ENO2: variants seen among roughly 807,000 people sequenced by gnomAD.
ENO2 encodes enolase 2, also known as gamma-enolase.
Under a neutral mutation model 48.7 loss-of-function variants are expected in ENO2, and 19 were observed. The ratio of observed to expected loss-of-function variants is 0.39; its 90% confidence interval spans 0.27 to 0.57. The LOEUF (loss-of-function observed/expected upper bound fraction) is 0.57. ENO2 is among the 20% of genes least tolerant of loss of function. ENO2 has a pLI of 0.58. For synonymous variants in ENO2, 198 were observed against 213.4 expected (o/e 0.93, Z 0.63); for missense variants, 416 against 555.0 (o/e 0.75, Z 2.52).
At chr12:6,921,557 C>T (rs782657632) in intron 8 of ENO2, 24 bp from the exon 9 acceptor site, 67 of 1,612,964 alleles carry the variant, frequency 4.2e-5, no homozygotes, top group Non-Finnish European at 5.4e-5. Flanking sequence ...CACCTCCCCC[C>T]TCCCCACCAT....
rs1945308219 is a variant in ENO2 at position 6,918,076 on chromosome 12, G to A, written c.581G>A (p.Gly194Glu). The change falls in exon 7 of 12, where the codon GGA (glycine) becomes GAA (glutamate). Residue 194 changes from glycine (G) to glutamate (E), a missense_variant. Transcript: ENST00000229277. ...LGAEVYHTLK[G>E]VIKDKYGKDA... ...GCAGAGGTCTACCATACACTCAAGGGAGTCATCAAGGACAAATACGGCAAG... is the reference window on the plus strand; with the variant it reads ...GCAGAGGTCTACCATACACTCAAGGAAGTCATCAAGGACAAATACGGCAAG... 1.2e-6 allele frequency: 2 copies of A among 1,614,184 alleles called. No homozygotes were observed. Among genetic ancestry groups the A allele is most frequent in the South Asian group, 2.2e-5 (2 of 91,080 alleles).
At chr12:6,915,318 G>C (rs1343328064) in intron 1 of ENO2, 1 of 167,966 alleles carries the variant, frequency 6.0e-6, no homozygotes, top group Non-Finnish European at 1.3e-5. Flanking sequence ...ATACACGTTT[G>C]GGAGAGAGTG....
At chr12:6,918,597 C>T (rs1237339342) in intron 7 of ENO2, among the ~76,000 whole-genome samples, 5 of 151,286 alleles carry the variant, frequency 3.3e-5, no homozygotes, top group African/African-American at 1.2e-4. Context: ...CCTCGGCCTC[C>T]CAAAGTGCTG....
rs1555141581 is a variant in ENO2 at position 6,916,139 on chromosome 12, T to C, written c.85+222T>C. Among the ~76,000 whole-genome samples, 1 of 152,154 alleles carries C rather than the reference T, an allele frequency of 6.6e-6. No individual in the cohort carries two copies. Among genetic ancestry groups the C allele is most frequent in the Non-Finnish European group, 1.5e-5 (1 of 68,012 alleles). On this transcript the variant is annotated intron_variant, in intron 2 of 11. Transcript: ENST00000229277. The surrounding 1 kb of genome is among the most constrained non-coding windows in gnomAD (Gnocchi z 4.5). ...GTGAGGCATGTCCTGCCTCCGTGTG[T>C]CTGCCTGTGCACTTGCATGTGTGCA... is the stretch of plus-strand genomic sequence containing the variant.
chr12:6,921,448 C>T (rs1291773725), intron 8 of ENO2, 133 bp from the exon 9 acceptor site: 2 of 863,534 alleles, frequency 2.3e-6, no homozygotes, highest in Non-Finnish European at 3.7e-6. Flanking sequence ...GGGGATTTGT[C>T]TTAGCAAGGA....
Position 6,916,618 on chromosome 12 carries a change from A to T in ENO2, c.182-53A>T, listed in dbSNP as rs1236420110. 4 of 1,612,358 alleles carry T rather than the reference A, an allele frequency of 2.5e-6. No homozygotes were observed. In the East Asian group the frequency reaches 8.9e-5, roughly 36 times the overall value. On this transcript the variant is annotated intron_variant, in intron 3 of 11. Coordinates refer to ENST00000229277, the MANE Select transcript of ENO2 (RefSeq NM_001975.3). The surrounding 1 kb of genome is among the most constrained non-coding windows in gnomAD (Gnocchi z 4.5). ...AGCATGGCTTCCCCTCCTCCCATTGATCCCTTCCGGCCCCTCCTGGCCCGA... is the reference window on the plus strand; with the variant it reads ...AGCATGGCTTCCCCTCCTCCCATTGTTCCCTTCCGGCCCCTCCTGGCCCGA...
At chr12:6,917,302 C>T (rs1945300667) in intron 5 of ENO2, 195 bp downstream of exon 5, 1 of 734,738 alleles carries the variant, frequency 1.4e-6, no homozygotes, top group Non-Finnish European at 2.2e-6. Context: ...GGAAGACCTT[C>T]TTTGCAGCAT....
At chr12:6,917,244 A>G in intron 5 of ENO2, 137 bp downstream of exon 5, 1 of 1,092,876 alleles carries the variant, frequency 9.2e-7, no homozygotes, top group Non-Finnish European at 1.3e-6. Flanking sequence ...AGCCAGAGCA[A>G]GGGGAGATGA....
chr12:6,920,717 CTTTTTT>C (rs781865832), intron 8 of ENO2, among the ~76,000 whole-genome samples: 21 of 95,144 alleles, frequency 2.2e-4, no homozygotes, highest in Admixed American at 6.9e-4. Flanking sequence ...TTTTAATTAA[CTTTTTT>C]TTTTTTTTTT....
Position 6,922,318 on chromosome 12 carries a change from G to A in ENO2, c.1177-26G>A, listed in dbSNP as rs189683514. On this transcript the variant is annotated intron_variant, in intron 10 of 11. Transcript: ENST00000229277. This position sits in a 1 kb window ranked among gnomAD's most constrained non-coding sequence, Gnocchi z 5.3. ...TCAGGGGTGAGAGGGCAGTCACTGA[G>A]CTGCAAATCCTTTGAAATGTTTCAG... 222 of 1,614,174 alleles carry A rather than the reference G, an allele frequency of 1.4e-4. 2 individuals carry two copies. The African/African-American group carries it at 2.8e-3, about 20-fold the overall frequency.
intron 8 of ENO2, among the ~76,000 whole-genome samples, chr12:6,921,120 C>T (rs111766397): frequency 0.052 from 7,842 of 152,062 alleles, 588 homozygotes; most frequent in East Asian, 0.22. Flanking sequence ...AGGAGCCAGG[C>T]GTGGTGGCTC....
In ENO2 at chr12:6,922,585, C is replaced by A; in HGVS notation, c.1236-146C>A. On this transcript the variant is annotated intron_variant, in intron 11 of 11. Coordinates refer to ENST00000229277, the MANE Select transcript of ENO2 (RefSeq NM_001975.3). The surrounding 1 kb of genome is among the most constrained non-coding windows in gnomAD (Gnocchi z 5.3). ...CCTGATTGACAAATCCCAGAGATCACATGGGAAAGCCAGGGAATGCTAAGC... is the reference window on the plus strand; with the variant it reads ...CCTGATTGACAAATCCCAGAGATCAAATGGGAAAGCCAGGGAATGCTAAGC... 1 of 1,260,114 alleles carries A rather than the reference C, an allele frequency of 7.9e-7. No individual in the cohort carries two copies. The highest frequency in any genetic ancestry group is 1.1e-6 in the Non-Finnish European group (1 of 873,114). 78.1% of individuals were successfully genotyped at this position (1,260,114 alleles called of 1,614,324 possible). A position where few individuals can be genotyped will look rare whatever the true frequency, so the allele number is the denominator to read the frequency against.
chr12:6,916,727 T>C lies in ENO2; in HGVS notation c.238T>C (p.Ser80Pro). 1.2e-6 allele frequency: 2 copies of C among 1,614,016 alleles called. No individual in the cohort carries two copies. The highest frequency in any genetic ancestry group is 1.7e-6 in the Non-Finnish European group (2 of 1,179,988). ...NSTIAPALISSGLSVVEQEKL... is the reference protein window; with the variant it reads ...NSTIAPALISPGLSVVEQEKL... ...CACCATCGCGCCAGCCCTCATCAGC[T>C]CAGTGAGGCCTGCTCTTTGCTGGGG... Residue 80 changes from serine to proline, a missense_variant and splice_region_variant, in exon 4 of 12, where the codon TCA becomes CCA. Coordinates refer to ENST00000229277, the MANE Select transcript of ENO2 (RefSeq NM_001975.3). This position sits in a 1 kb window ranked among gnomAD's most constrained non-coding sequence, Gnocchi z 4.5.
At position 6,917,578 on chromosome 12, in the gene ENO2, T is replaced by C. The variant is rs1945302885; in HGVS notation, c.311-3T>C. 6.2e-7 allele frequency: 1 copy of C among 1,611,954 alleles called. No individual in the cohort carries two copies. The highest frequency in any genetic ancestry group is 8.5e-7 in the Non-Finnish European group (1 of 1,178,876). On this transcript the variant is annotated splice_polypyrimidine_tract_variant and splice_region_variant and intron_variant, in intron 5 of 11. Transcript: ENST00000229277. ...CTCAGCACCTTCCTCTATAATCTCCTAGCCAAGTTTGGGGCCAATGCCATC... is the reference window on the plus strand; with the variant it reads ...CTCAGCACCTTCCTCTATAATCTCCCAGCCAAGTTTGGGGCCAATGCCATC...
chr12:6,921,900 C>A, intron 9 of ENO2, 118 bp downstream of exon 9: 2 of 1,491,024 alleles, frequency 1.3e-6, no homozygotes, highest in South Asian at 1.2e-5. Context: ...TGGAATCATC[C>A]TCACAGTTCT....
At position 6,921,709 on chromosome 12, in the gene ENO2, G is replaced by A; in HGVS notation, c.994G>A (p.Val332Met). Residue 332 changes from valine (V) to methionine (M), a missense_variant, in exon 9 of 12, where the codon GTG becomes ATG. Coordinates refer to ENST00000229277, the MANE Select transcript of ENO2 (RefSeq NM_001975.3). ...CAACCCAAAACGTATTGAGCGGGCAGTGGAAGAAAAGGCCTGCAACTGTCT... is the reference window on the plus strand; with the variant it reads ...CAACCCAAAACGTATTGAGCGGGCAATGGAAGAAAAGGCCTGCAACTGTCT... ...VTNPKRIERA[V>M]EEKACNCLLL... 3 of 1,614,216 alleles carry A rather than the reference G, an allele frequency of 1.9e-6. No individual in the cohort carries two copies. Among genetic ancestry groups the A allele is most frequent in the Non-Finnish European group, 2.5e-6 (3 of 1,180,046 alleles).
At chr12:6,915,979 G>C in intron 2 of ENO2, 62 bp downstream of exon 2, 3 of 1,594,250 alleles carry the variant, frequency 1.9e-6, no homozygotes, top group Non-Finnish European at 1.7e-6. Context: ...GCTGGGTTCG[G>C]CCAGGGGTTC....
chr12:6,922,720 A>G lies in ENO2; in HGVS notation c.1236-11A>G, dbSNP rs772818533. 6.2e-7 allele frequency: 1 copy of G among 1,614,126 alleles called. No homozygotes were observed. Among genetic ancestry groups the G allele is most frequent in the Admixed American group, 1.7e-5 (1 of 60,024 alleles). ...TCCCTGACCACTTCCTTTGTGGTTC[A>G]TCTCTCTCAGAATTGAGGAAGAGCT... On this transcript the variant is annotated splice_polypyrimidine_tract_variant and intron_variant, in intron 11 of 11. Transcript: ENST00000229277. The surrounding 1 kb of genome is among the most constrained non-coding windows in gnomAD (Gnocchi z 5.3).
chr12:6,923,074 A>T lies in ENO2; in HGVS notation c.*274A>T. 1 of 429,588 alleles carries T rather than the reference A, an allele frequency of 2.3e-6. No individual in the cohort carries two copies. The highest frequency in any genetic ancestry group is 4.3e-6 in the Non-Finnish European group (1 of 231,196). The allele number at this position is 429,588 out of a possible 1,614,324, so 26.6% of individuals were successfully genotyped here. A position where few individuals can be genotyped will look rare whatever the true frequency, so the allele number is the denominator to read the frequency against. On this transcript the variant is annotated 3_prime_UTR_variant, in exon 12 of 12. Transcript: ENST00000229277. ...GAAACTAGAAATGTGAATGAGGATTATTATAAAAGGGGGTCCGTGGAAGAA... is the reference window on the plus strand; with the variant it reads ...GAAACTAGAAATGTGAATGAGGATTTTTATAAAAGGGGGTCCGTGGAAGAA...
Sources: allele counts gnomAD v4.1 joint callset (sites outside exome capture counted in the v4.1 genomes callset), GRCh38; gene constraint gnomAD v4.1.1; non-coding constraint Gnocchi (gnomAD v3.1); transcripts MANE v1.5; gene names NCBI Gene and HGNC (gene_info 2026-07-23, HGNC 2026-07-21).